The following SYT2 variants were observed in gnomAD, a reference collection of about 807,000 sequenced individuals.
SYT2 encodes the protein synaptotagmin 2, also known as synaptotagmin-2.
A neutral mutation model predicts 39.9 loss-of-function variants in SYT2; 15 were observed. The observed-to-expected ratio is 0.38, with a 90% CI of 0.25 to 0.58. The LOEUF is 0.58. Ranked by LOEUF, SYT2 falls within the 20% of genes least tolerant of loss-of-function variation. The probability of loss-of-function intolerance (pLI) is 0.70; values close to 1 mark genes in which losing one functional copy is unlikely to be tolerated. For missense variants in SYT2, 389 were observed against 530.3 expected, an observed-to-expected ratio of 0.73 and a Z score of 2.62; for synonymous variants, 181 against 204.5, an observed-to-expected ratio of 0.89 and a Z score of 0.98.
At chr1:202,709,075 C>T (rs951055261) in intron 1 of SYT2, among the ~76,000 whole-genome samples, 1 of 142,806 alleles carries the variant, frequency 7.0e-6, no homozygotes, top group Non-Finnish European at 1.6e-5. Context: ...GACCCCAGTT[C>T]ACCTTTCTGG....
intron 1 of SYT2, among the ~76,000 whole-genome samples, chr1:202,704,424 G>A (rs1007757701): frequency 5.3e-5 from 8 of 152,178 alleles, no homozygotes; most frequent in Admixed American, 3.3e-4. Context: ...GGAACGTGGA[G>A]GAAAAGGCGG....
intron 1 of SYT2, among the ~76,000 whole-genome samples, chr1:202,696,447 C>T (rs958844548): frequency 6.6e-6 from 1 of 152,194 alleles, no homozygotes; most frequent in African/African-American, 2.4e-5. Context: ...GTATTAAGCA[C>T]TTTTTACTTC....
At chr1:202,603,776 C>T (rs528713547) in intron 3 of SYT2, among the ~76,000 whole-genome samples, 1 of 152,284 alleles carries the variant, frequency 6.6e-6, no homozygotes, top group African/African-American at 2.4e-5. Context: ...GACATATACA[C>T]ACACACATGC....
chr1:202,663,045 T>C (rs887232970), intron 1 of SYT2, among the ~76,000 whole-genome samples: 5 of 152,188 alleles, frequency 3.3e-5, no homozygotes, highest in Non-Finnish European at 7.3e-5. Flanking sequence ...TTAATCTCTC[T>C]CGGCATCATC....
chr1:202,676,330 C>T (rs1383005246), intron 1 of SYT2, among the ~76,000 whole-genome samples: 9 of 152,220 alleles, frequency 5.9e-5, no homozygotes. Context: ...GAGAATCCTT[C>T]CCAAAGCCAG....
Position 202,601,820 on chromosome 1 carries a change from C to T in SYT2, c.801+70G>A. ...CCTCCAAAGCCCACCCTGTTTCCAT[C>T]ATGCCAAGAGGTGGAAGCCCACCTG... On this transcript the variant is annotated intron_variant, in intron 6 of 8. Transcript: ENST00000367268. This position sits in a 1 kb window ranked among gnomAD's most constrained non-coding sequence, Gnocchi z 4.0. 1.3e-6 allele frequency: 2 copies of T among 1,524,118 alleles called. No homozygotes were observed. The highest frequency in any genetic ancestry group is 1.8e-6 in the Non-Finnish European group (2 of 1,120,180). 94.4% of individuals were successfully genotyped at this position (1,524,118 alleles called of 1,614,324 possible).
intron 1 of SYT2, among the ~76,000 whole-genome samples, chr1:202,644,129 C>A (rs1692020759): frequency 1.3e-5 from 2 of 152,208 alleles, no homozygotes; most frequent in Admixed American, 6.5e-5. Flanking sequence ...GGTCCCCACC[C>A]TCAGTCTGTC....
At chr1:202,665,213 A>G (rs913234204) in intron 1 of SYT2, among the ~76,000 whole-genome samples, 1 of 152,224 alleles carries the variant, frequency 6.6e-6, no homozygotes, top group East Asian at 1.9e-4. Context: ...AAGGGCAACA[A>G]TGACAACAAC....
chr1:202,667,466 CGTGTGTGTGTGTGT>C (rs35072265), intron 1 of SYT2, among the ~76,000 whole-genome samples: 3,835 of 140,612 alleles, frequency 0.027, 67 homozygotes, highest in East Asian at 0.055. Flanking sequence ...AGTGACCAGC[CGTGTGTGTGTGTGT>C]GTGTGTGTGT....
At position 202,602,365 on chromosome 1, in the gene SYT2, C is replaced by T; in HGVS notation, c.633+13G>A. ...AGGCAGGGAGCTGGAGTCACCCTTC[C>T]AGCCCTCAGCACCTTGAAGGTGAAG... On this transcript the variant is annotated intron_variant, in intron 5 of 8. Transcript: ENST00000367268. 1 of 1,610,756 alleles carries T rather than the reference C, an allele frequency of 6.2e-7. No individual in the cohort carries two copies. Among genetic ancestry groups the T allele is most frequent in the South Asian group, 1.1e-5 (1 of 90,524 alleles).
At chr1:202,685,405 C>T (rs908137782) in intron 1 of SYT2, among the ~76,000 whole-genome samples, 4 of 152,134 alleles carry the variant, frequency 2.6e-5, no homozygotes, top group African/African-American at 9.7e-5. Flanking sequence ...TTTAATTATT[C>T]AAATCCAGGC....
intron 1 of SYT2, among the ~76,000 whole-genome samples, chr1:202,660,235 T>C (rs1692352045): frequency 6.6e-6 from 1 of 152,158 alleles, no homozygotes; most frequent in African/African-American, 2.4e-5. Flanking sequence ...ATATACAAGC[T>C]GGACTTCGGT....
chr1:202,603,431 G>T (rs1690589756), intron 3 of SYT2, among the ~76,000 whole-genome samples: 1 of 152,170 alleles, frequency 6.6e-6, no homozygotes, highest in Non-Finnish European at 1.5e-5. Context: ...GCTTCTAGGG[G>T]CTGGTGTGGG....
intron 1 of SYT2, among the ~76,000 whole-genome samples, chr1:202,694,865 T>C (rs1653935145): frequency 6.6e-6 from 1 of 152,124 alleles, no homozygotes; most frequent in African/African-American, 2.4e-5. Context: ...TGTGCATACA[T>C]TCTTCTCTCC....
At chr1:202,704,910 G>T (rs1448243457) in intron 1 of SYT2, among the ~76,000 whole-genome samples, 1 of 152,214 alleles carries the variant, frequency 6.6e-6, no homozygotes. Context: ...CTTATGGAGA[G>T]CCCAAGGAAA....
Position 202,596,682 on chromosome 1 carries a change from T to G in SYT2, c.*75A>C. On this transcript the variant is annotated 3_prime_UTR_variant, in exon 9 of 9. Transcript: ENST00000367268. ...GAAAGAAAAAAGAAAACCTCTAAGGTTGCATAACTGAGGTATTGATAGCTC... is the reference window on the plus strand; with the variant it reads ...GAAAGAAAAAAGAAAACCTCTAAGGGTGCATAACTGAGGTATTGATAGCTC... 7.3e-7 allele frequency: 1 copy of G among 1,377,092 alleles called. No homozygotes were observed. Among genetic ancestry groups the G allele is most frequent in the East Asian group, 2.3e-5 (1 of 42,844 alleles). The allele number at this position is 1,377,092 out of a possible 1,614,324, so 85.3% of individuals were successfully genotyped here.
chr1:202,620,017 TCTC>T (rs1469201201), intron 1 of SYT2, among the ~76,000 whole-genome samples: 2 of 152,102 alleles, frequency 1.3e-5, no homozygotes, highest in African/African-American at 4.8e-5. Flanking sequence ...TGAGGCCAGG[TCTC>T]CTGCTCAGGA....
rs754617049 is a variant in SYT2, at chr1:202,602,438, A to G, written c.573T>C (p.Tyr191=). 3 of 1,614,194 alleles carry G rather than the reference A, an allele frequency of 1.9e-6. No homozygotes were observed. The East Asian group carries it at 6.7e-5, about 36-fold the overall frequency. Residue 191 remains tyrosine, a synonymous_variant, in exon 5 of 9, where the codon TAT becomes TAC. Transcript: ENST00000367268. ...GTGTCTTCCGATGGACTTTGGTCTC[A>G]TATTTCTTCTTCTTGTCAGGAAGGA... ...VFLLPDKKKK[Y]ETKVHRKTLN...
chr1:202,625,614 C>T (rs1247313790), intron 1 of SYT2, among the ~76,000 whole-genome samples: 2 of 151,986 alleles, frequency 1.3e-5, no homozygotes, highest in South Asian at 4.1e-4. Context: ...CCCTGCTGTC[C>T]GTCCAGGAGG....
Sources: allele counts gnomAD v4.1 joint callset (sites outside exome capture counted in the v4.1 genomes callset), GRCh38; gene constraint gnomAD v4.1.1; non-coding constraint Gnocchi (gnomAD v3.1); transcripts MANE v1.5; gene names NCBI Gene and HGNC (gene_info 2026-07-23, HGNC 2026-07-21).